Variants in RYR2 observed in about 807,000 individuals in gnomAD.
The protein encoded by RYR2 is cardiac muscle ryanodine receptor-calcium release channel.
In RYR2, 227 loss-of-function variants were observed where a neutral mutation model predicts 601.1. That is an observed-to-expected ratio of 0.38 (90% confidence interval 0.34 to 0.42). The LOEUF (loss-of-function observed/expected upper bound fraction) is 0.42. RYR2 is among the 10% of genes least tolerant of loss of function. The probability of loss-of-function intolerance (pLI) is 1.00; values close to 1 mark genes in which losing one functional copy is unlikely to be tolerated. For missense variants in RYR2, 4,646 were observed against 6,156.5 expected (o/e 0.75, Z 8.21); for synonymous variants, 2,223 against 2,175.1 (o/e 1.02, Z -0.61).
chr1:237,716,387 TAACTTTGA>T (rs199562842), intron 71 of RYR2, among the ~76,000 whole-genome samples: 7,657 of 152,212 alleles, frequency 0.05, 614 homozygotes, highest in African/African-American at 0.18. Flanking sequence ...AACTATGTTG[TAACTTTGA>T]ATTACTGCTA....
intron 13 of RYR2, among the ~76,000 whole-genome samples, chr1:237,442,618 C>G (rs1708010496): frequency 6.6e-6 from 1 of 152,096 alleles, no homozygotes; most frequent in Non-Finnish European, 1.5e-5. Flanking sequence ...AATTCATGCA[C>G]TTATTTATTT....
chr1:237,503,016 T>A (rs2150491507), intron 21 of RYR2, among the ~76,000 whole-genome samples: 1 of 152,238 alleles, frequency 6.6e-6, no homozygotes, highest in African/African-American at 2.4e-5. Flanking sequence ...TGCATGTGCT[T>A]TTGGTTACTT....
chr1:237,590,328 T>C (rs1173753588), intron 30 of RYR2, among the ~76,000 whole-genome samples: 1 of 152,170 alleles, frequency 6.6e-6, no homozygotes, highest in Non-Finnish European at 1.5e-5. Context: ...ACATCCATTC[T>C]CATATTAGTT....
intron 12 of RYR2, among the ~76,000 whole-genome samples, chr1:237,438,937 T>C (rs960078761): frequency 1.3e-5 from 2 of 152,230 alleles, no homozygotes; most frequent in African/African-American, 4.8e-5. Flanking sequence ...TCCAGTGAAT[T>C]ACTTCATCAT....
At chr1:237,241,022 C>T (rs946077619) in intron 1 of RYR2, among the ~76,000 whole-genome samples, 1 of 152,084 alleles carries the variant, frequency 6.6e-6, no homozygotes, top group African/African-American at 2.4e-5. Context: ...CATGTATATG[C>T]CAAACTGTAA....
intron 1 of RYR2, among the ~76,000 whole-genome samples, chr1:237,188,948 G>A (rs1679668639): frequency 6.6e-6 from 1 of 152,146 alleles, no homozygotes; most frequent in African/African-American, 2.4e-5. Flanking sequence ...TAATTTAAAA[G>A]TGTTAACCGT....
intron 63 of RYR2, among the ~76,000 whole-genome samples, chr1:237,696,384 C>G (rs577150118): frequency 6.6e-6 from 1 of 152,116 alleles, no homozygotes; most frequent in Non-Finnish European, 1.5e-5. Flanking sequence ...TTCTTATCTT[C>G]TCTGCCTCCA....
At chr1:237,724,242 T>C (rs1451018400) in intron 74 of RYR2, among the ~76,000 whole-genome samples, 2 of 147,642 alleles carry the variant, frequency 1.4e-5, no homozygotes, top group Non-Finnish European at 3.0e-5. Context: ...ATTTCATAGA[T>C]GATAAATTAA....
chr1:237,760,361 TAAAAAAAA>T (rs34435442), intron 83 of RYR2, among the ~76,000 whole-genome samples: 2 of 100,128 alleles, frequency 2.0e-5, no homozygotes, highest in African/African-American at 7.7e-5. Context: ...GTCGCTAATT[TAAAAAAAA>T]AAAAAAAAAA....
At chr1:237,117,028 G>A (rs1347635435) in intron 1 of RYR2, among the ~76,000 whole-genome samples, 1 of 152,180 alleles carries the variant, frequency 6.6e-6, no homozygotes, top group Non-Finnish European at 1.5e-5. Context: ...GACAGTAGAG[G>A]TGTGAGCTAA....
At chr1:237,307,807 G>A (rs1354521255) in intron 2 of RYR2, among the ~76,000 whole-genome samples, 2 of 152,172 alleles carry the variant, frequency 1.3e-5, no homozygotes, top group Admixed American at 6.5e-5. Context: ...TGCCTTTCAA[G>A]TATGAGCCTT....
chr1:237,789,462 A>G (rs944380154), intron 92 of RYR2, among the ~76,000 whole-genome samples: 4 of 24,996 alleles, frequency 1.6e-4, no homozygotes, highest in Non-Finnish European at 5.1e-4. Flanking sequence ...TTCCTAGATA[A>G]CTAACTCTGA....
At chr1:237,490,651 G>T (rs556030833) in intron 17 of RYR2, among the ~76,000 whole-genome samples, 1 of 152,138 alleles carries the variant, frequency 6.6e-6, no homozygotes, top group Non-Finnish European at 1.5e-5. Flanking sequence ...AGCTGATTTT[G>T]AACAGCTCCA....
intron 2 of RYR2, among the ~76,000 whole-genome samples, chr1:237,317,190 C>T (rs182341241): frequency 6.6e-6 from 1 of 152,164 alleles, no homozygotes; most frequent in Non-Finnish European, 1.5e-5. Context: ...AGGCAAAAAG[C>T]AAAGAATGTT....
In RYR2 at chr1:237,530,450, A is replaced by G. The variant is rs1488874531; in HGVS notation, c.2846A>G (p.His949Arg). The G allele has an allele frequency of 1.2e-6, 2 of 1,609,046 alleles. No homozygotes were observed. The highest frequency in any genetic ancestry group is 1.7e-6 in the Non-Finnish European group (2 of 1,177,602). The part of the protein sequence containing the change: ...TLKTLLALGC[H>R]VGISDEHAED... Reference sequence around the variant, plus strand: ...AGGACTTTGTTGGCATTAGGATGTCATGTGGGTATATCAGATGAACATGCT... The same window carrying G: ...AGGACTTTGTTGGCATTAGGATGTCGTGTGGGTATATCAGATGAACATGCT... Residue 949 changes from histidine to arginine, a missense_variant, in exon 25 of 105, where the codon CAT (histidine) becomes CGT (arginine). Around this residue, in one of 17 missense-constraint regions of RYR2, gnomAD observed 1,807 missense variants for 2,088.1 expected, o/e 0.87. Transcript: ENST00000366574.
Position 237,640,912 on chromosome 1 carries a change from G to T in RYR2, c.7131G>T (p.Glu2377Asp). ...TTCATGAAAGTGACACAGAGGAGGAGGAAGATGACACTATCCACATGGGGA... is the reference window on the plus strand; with the variant it reads ...TTCATGAAAGTGACACAGAGGAGGATGAAGATGACACTATCCACATGGGGA... Reference protein sequence around the residue: ...GSSKTLDTEEEEDDTIHMGNA... With the variant: ...GSSKTLDTEEDEDDTIHMGNA... The change falls in exon 47 of 105, where the codon GAG becomes GAT. Residue 2377 changes from glutamate to aspartate, a missense_variant. Glu to Asp is a conservative substitution (Grantham distance 45, BLOSUM62 2). Transcript: ENST00000366574. The T allele has an allele frequency of 6.2e-7, 1 of 1,613,188 alleles. No individual in the cohort carries two copies. The highest frequency in any genetic ancestry group is 8.5e-7 in the Non-Finnish European group (1 of 1,179,606).
chr1:237,637,642 A>G (rs1681013408), intron 44 of RYR2, among the ~76,000 whole-genome samples: 1 of 152,188 alleles, frequency 6.6e-6, no homozygotes, highest in South Asian at 2.1e-4. Flanking sequence ...AAATTGATAT[A>G]TCATTTTGGA....
At chr1:237,333,899 A>G (rs373890053) in intron 3 of RYR2, among the ~76,000 whole-genome samples, 3 of 152,224 alleles carry the variant, frequency 2.0e-5, no homozygotes. Flanking sequence ...TCAGATGAAC[A>G]GTGAGTCAAA....
intron 35 of RYR2, among the ~76,000 whole-genome samples, chr1:237,608,014 A>G (rs1457714499): frequency 2.0e-5 from 3 of 152,190 alleles, no homozygotes; most frequent in Admixed American, 6.5e-5. Context: ...ATGCATACCT[A>G]TATACACATA....
Sources: gnomAD v4.1 joint callset for allele counts (sites outside exome capture counted in the v4.1 genomes callset) on GRCh38, gnomAD v4.1.1 for gene constraint, gnomAD v4.1.1 regional missense constraint, MANE v1.5 for transcripts, NCBI Gene and HGNC (gene_info 2026-07-23, HGNC 2026-07-21) for gene names.